Variants in COL4A6 observed in about 807,000 individuals in gnomAD.
COL4A6 encodes collagen alpha-6(IV) chain.
A neutral mutation model predicts 126.7 loss-of-function variants in COL4A6; 59 were observed. That is an observed-to-expected ratio of 0.47 (90% CI 0.38 to 0.58). The LOEUF is 0.58. Among genes scored for constraint, COL4A6 ranks in the 20% least tolerant of loss-of-function variants. The pLI, the probability that COL4A6 is intolerant of heterozygous loss-of-function variation, is 0.00. For missense variants in COL4A6, 1,285 were observed against 1,337.3 expected, an observed-to-expected ratio of 0.96 and a Z score of 0.61; for synonymous variants, 547 against 496.6, an observed-to-expected ratio of 1.10 and a Z score of -1.35.
At chrX:108,348,697 T>TC (rs1389398279) in intron 2 of COL4A6, among the ~76,000 whole-genome samples, 1 of 111,899 alleles carries the variant, frequency 8.9e-6, no homozygotes, top group African/African-American at 3.3e-5. Flanking sequence ...TATATTCATA[T>TC]ATCCTTTGGG....
At chrX:108,327,154 C>T (rs774002965) in intron 2 of COL4A6, among the ~76,000 whole-genome samples, 19 of 110,946 alleles carry the variant, frequency 1.7e-4, no homozygotes, top group South Asian at 7.8e-4. Context: ...TGAGTTCTGC[C>T]TCCTGTCAGA....
intron 5 of COL4A6, among the ~76,000 whole-genome samples, chrX:108,215,083 C>T (rs1470785442): frequency 4.5e-5 from 5 of 111,650 alleles, no homozygotes; most frequent in South Asian, 3.8e-4. Flanking sequence ...TCCCCCCTGC[C>T]GATGCAAACA....
intron 28 of COL4A6, among the ~76,000 whole-genome samples, chrX:108,176,000 G>T (rs2034474641): frequency 9.1e-6 from 1 of 110,382 alleles, no homozygotes; most frequent in South Asian, 3.9e-4. Flanking sequence ...CCTGAATAGG[G>T]ACATGGCACT....
At chrX:108,298,337 G>T (rs1012865682) in intron 3 of COL4A6, among the ~76,000 whole-genome samples, 1 of 112,940 alleles carries the variant, frequency 8.9e-6, no homozygotes, top group Non-Finnish European at 1.9e-5. Context: ...GGCTCTGGCC[G>T]TGGCCTGGCT....
rs746154712 is a variant in COL4A6, at chrX:108,188,652, GT to G, written c.1451del (p.Asp484AlafsTer22). On this transcript the variant is annotated frameshift_variant, in exon 21 of 45. Transcript: ENST00000334504. LOFTEE classifies it high-confidence loss of function. Reference protein sequence around the residue: ...IKGDSGFCACDGGVPNTGPPG... With the variant: ...IKGDSGFCACXGGVPNTGPPG... ...GTGGTCCAGTGTTGGGAACACCACC[GT>G]CACAAGCACAGAAACCTGAGTCTCC... 2.6e-6 allele frequency: 3 copies of G among 1,166,369 alleles called. No individual in the cohort carries two copies. The East Asian group carries it at 9.3e-5, about 36-fold the overall frequency.
intron 8 of COL4A6, among the ~76,000 whole-genome samples, chrX:108,207,394 G>A (rs1368257822): frequency 9.0e-6 from 1 of 111,038 alleles, no homozygotes; most frequent in Non-Finnish European, 1.9e-5. Flanking sequence ...TAAAACCTAG[G>A]TGACAGGTTG....
chrX:108,336,124 T>G (rs987448153), intron 2 of COL4A6, among the ~76,000 whole-genome samples: 1 of 111,834 alleles, frequency 8.9e-6, no homozygotes, highest in Non-Finnish European at 1.9e-5. Context: ...GCAATTGCAT[T>G]GCTAGGTGTA....
chrX:108,371,393 C>T (rs1319509011), intron 2 of COL4A6, among the ~76,000 whole-genome samples: 1 of 109,299 alleles, frequency 9.1e-6, no homozygotes. Context: ...CCTTTGATAA[C>T]CAGTTTCTTG....
chrX:108,186,461 T>C (rs1422225080), intron 23 of COL4A6, among the ~76,000 whole-genome samples: 1 of 112,144 alleles, frequency 8.9e-6, no homozygotes, highest in East Asian at 2.8e-4. Flanking sequence ...AGCATAGAAG[T>C]TGTGGAAACC....
chrX:108,340,661 C>A (rs1439833295), intron 2 of COL4A6, among the ~76,000 whole-genome samples: 1 of 110,278 alleles, frequency 9.1e-6, no homozygotes, highest in Non-Finnish European at 1.9e-5. Context: ...AAACAGCAAG[C>A]TGTAGAATGA....
At chrX:108,280,602 C>G (rs1250118468) in intron 3 of COL4A6, among the ~76,000 whole-genome samples, 1 of 111,793 alleles carries the variant, frequency 8.9e-6, no homozygotes, top group East Asian at 2.8e-4. Context: ...TGAAACTATT[C>G]CAGTCAATAG....
At chrX:108,388,129 T>C (rs2040743805) in intron 2 of COL4A6, among the ~76,000 whole-genome samples, 1 of 112,144 alleles carries the variant, frequency 8.9e-6, no homozygotes, top group Admixed American at 9.4e-5. Flanking sequence ...AGTATCTTAT[T>C]GAGGATTTCT....
chrX:108,260,106 T>A (rs2037121531), intron 3 of COL4A6, among the ~76,000 whole-genome samples: 3 of 110,207 alleles, frequency 2.7e-5, no homozygotes, highest in Non-Finnish European at 5.7e-5. Context: ...TTAGCTATAA[T>A]ACTAATATTT....
intron 3 of COL4A6, among the ~76,000 whole-genome samples, chrX:108,225,896 C>T (rs2036154130): frequency 8.9e-6 from 1 of 112,373 alleles, no homozygotes; most frequent in Non-Finnish European, 1.9e-5. Flanking sequence ...CCCACTGAGG[C>T]GTTAATGACT....
At chrX:108,427,720 G>A (rs2064111599) in intron 2 of COL4A6, among the ~76,000 whole-genome samples, 2 of 111,910 alleles carry the variant, frequency 1.8e-5, no homozygotes, top group South Asian at 3.8e-4. Context: ...AGAGAGGATG[G>A]ATATCAGGAA....
At chrX:108,338,652 G>C (rs1034047515) in intron 2 of COL4A6, among the ~76,000 whole-genome samples, 3 of 111,674 alleles carry the variant, frequency 2.7e-5, no homozygotes, top group Non-Finnish European at 5.7e-5. Context: ...CCCTTTGGGT[G>C]AGCTGTCTCT....
intron 2 of COL4A6, among the ~76,000 whole-genome samples, chrX:108,400,433 T>G (rs2041061412): frequency 9.0e-6 from 1 of 111,501 alleles, no homozygotes; most frequent in South Asian, 3.7e-4. Flanking sequence ...CATAGCTCAC[T>G]TATTTTTGCT....
chrX:108,269,012 G>A (rs2037382160), intron 3 of COL4A6: 2 of 319,460 alleles, frequency 6.3e-6, no homozygotes, highest in Non-Finnish European at 1.2e-5. Flanking sequence ...TTCCATAGAA[G>A]TATGGGGAAA....
intron 12 of COL4A6, among the ~76,000 whole-genome samples, chrX:108,203,718 A>C (rs1420327185): frequency 8.9e-6 from 1 of 112,571 alleles, no homozygotes; most frequent in Non-Finnish European, 1.9e-5. Context: ...TTCAATTACA[A>C]CCATGTAGGT....
Sources: allele counts gnomAD v4.1 joint callset (sites outside exome capture counted in the v4.1 genomes callset), GRCh38; gene constraint gnomAD v4.1.1; transcripts MANE v1.5; gene names NCBI Gene and HGNC (gene_info 2026-07-23, HGNC 2026-07-21).